TANGO6: variants seen among roughly 807,000 people sequenced by gnomAD.
The protein encoded by TANGO6 is transport and Golgi organization protein 6 homolog.
TANGO6 carries 90 observed loss-of-function variants against 114.2 expected under a neutral mutation model. The ratio of observed to expected loss-of-function variants is 0.79; its 90% CI spans 0.66 to 0.94. The LOEUF (loss-of-function observed/expected upper bound fraction) is 0.94, where lower values mean the gene tolerates loss of function less well. Among genes scored for constraint, TANGO6 ranks in the 40% least tolerant of loss-of-function variants. The pLI is 0.00. For synonymous variants in TANGO6, 477 were observed against 509.8 expected (o/e 0.94, Z 0.87); for missense variants, 1,274 against 1,315.3 (o/e 0.97, Z 0.49).
intron 11 of TANGO6, among the ~76,000 whole-genome samples, chr16:68,914,926 A>G (rs978894867): frequency 6.7e-6 from 1 of 148,184 alleles, no homozygotes; most frequent in Admixed American, 6.8e-5. Flanking sequence ...TGTCTATTTT[A>G]GTAATAGGAT....
intron 11 of TANGO6, 129 bp from the exon 12 acceptor site, chr16:68,918,956 A>G: frequency 9.4e-7 from 1 of 1,066,332 alleles, no homozygotes; most frequent in Non-Finnish European, 1.3e-6. Context: ...GGTAAGTAGC[A>G]GTTGTTCTGG....
intron 14 of TANGO6, among the ~76,000 whole-genome samples, chr16:68,944,820 C>T (rs1158510920): frequency 6.6e-6 from 1 of 152,170 alleles, no homozygotes; most frequent in Admixed American, 6.5e-5. Context: ...GCAAGAATTG[C>T]AATTCAGGGC....
rs138495855 is a variant in TANGO6, at chr16:69,044,456, T to C, written c.3108+4035T>C. ...CAGGCCAGTTCTGATGGGGAGTTCA[T>C]GCTTAGAGGAGAGGTGATGCACACG... On this transcript the variant is annotated intron_variant, in intron 17 of 17. Coordinates refer to ENST00000261778, the MANE Select transcript of TANGO6 (RefSeq NM_024562.2). Among the ~76,000 whole-genome samples, 36 of 152,252 alleles carry C rather than the reference T, an allele frequency of 2.4e-4. No homozygotes were observed. In the East Asian group the frequency reaches 6.4e-3, roughly 27 times the overall value.
At chr16:69,065,882 T>C (rs189575476) in intron 17 of TANGO6, among the ~76,000 whole-genome samples, 34 of 152,330 alleles carry the variant, frequency 2.2e-4, no homozygotes, top group Non-Finnish European at 5.9e-5. Context: ...AGCATTATTC[T>C]TCTTCAGTCC....
At chr16:68,949,684 C>T (rs771782596) in intron 14 of TANGO6, among the ~76,000 whole-genome samples, 4 of 151,674 alleles carry the variant, frequency 2.6e-5, no homozygotes, top group African/African-American at 4.8e-5. Flanking sequence ...GAAATGTTGC[C>T]GGTAGAAATG....
At chr16:68,898,725 A>G (rs955782648) in intron 7 of TANGO6, among the ~76,000 whole-genome samples, 2 of 152,162 alleles carry the variant, frequency 1.3e-5, no homozygotes, top group African/African-American at 2.4e-5. Flanking sequence ...AGAATCTAGC[A>G]TAGTACTTGG....
chr16:68,900,029 G>A (rs1317612232), intron 7 of TANGO6, among the ~76,000 whole-genome samples: 2 of 152,194 alleles, frequency 1.3e-5, no homozygotes, highest in Non-Finnish European at 1.5e-5. Context: ...TCCAAATCCA[G>A]TTTTAAGTTT....
At chr16:68,875,668 C>G (rs1247973621) in intron 5 of TANGO6, among the ~76,000 whole-genome samples, 1 of 151,898 alleles carries the variant, frequency 6.6e-6, no homozygotes, top group Non-Finnish European at 1.5e-5. Context: ...ACTTGGGAGG[C>G]TGAGGCAGGA....
At chr16:69,059,544 G>A (rs376567457) in intron 17 of TANGO6, among the ~76,000 whole-genome samples, 11 of 151,184 alleles carry the variant, frequency 7.3e-5, no homozygotes, top group East Asian at 3.9e-4. Flanking sequence ...CTTTTGAGAC[G>A]GAGTCTTGCT....
At chr16:69,063,800 T>TTCG (rs1960169444) in intron 17 of TANGO6, among the ~76,000 whole-genome samples, 1 of 124,628 alleles carries the variant, frequency 8.0e-6, no homozygotes, top group Admixed American at 8.5e-5. Context: ...CTTCTTCTTC[T>TTCG]TCTTCTTCTT....
rs956929425 is a variant in TANGO6 at position 69,081,369 on chromosome 16, CT to C, written c.3109-2105del. Among the ~76,000 whole-genome samples, 383 of 147,548 alleles carry C rather than the reference CT, an allele frequency of 2.6e-3. 2 individuals carry two copies. The highest frequency in any genetic ancestry group is 6.9e-3 in the African/African-American group (278 of 40,384). ...ACGAGTTGGTCCCTAAATCTCCTTA[CT>C]TTTTTTTTTTAATTTTATTTTTTGA... On this transcript the variant is annotated intron_variant, in intron 17 of 17. Transcript: ENST00000261778.
chr16:69,031,487 G>A (rs1221489506), intron 16 of TANGO6, among the ~76,000 whole-genome samples: 1 of 151,894 alleles, frequency 6.6e-6, no homozygotes, highest in Non-Finnish European at 1.5e-5. Flanking sequence ...GATCACTTGA[G>A]GAAAGGAGTT....
chr16:68,891,990 G>A (rs1207847085), intron 7 of TANGO6, among the ~76,000 whole-genome samples: 1 of 152,056 alleles, frequency 6.6e-6, no homozygotes, highest in Non-Finnish European at 1.5e-5. Flanking sequence ...GAAAGGAAAT[G>A]CATAGGGCAT....
At chr16:68,988,720 G>C (rs1215177138) in intron 15 of TANGO6, among the ~76,000 whole-genome samples, 1 of 129,188 alleles carries the variant, frequency 7.7e-6, no homozygotes, top group East Asian at 2.1e-4. Flanking sequence ...TTTTGAGACA[G>C]GGTCTCATTT....
At position 68,872,184 on chromosome 16, in the gene TANGO6, G is replaced by T. The variant is rs943496431; in HGVS notation, c.995-2970G>T. ...TTCAGTGAGCCGAGATCTCGCCACT[G>T]CACTTCAGCCTGGGCGATAGGGTGA... is the stretch of plus-strand genomic sequence containing the variant. On this transcript the variant is annotated intron_variant, in intron 4 of 17. Transcript: ENST00000261778. Among the ~76,000 whole-genome samples, 5 of 151,316 alleles carry T rather than the reference G, an allele frequency of 3.3e-5. No homozygotes were observed. The South Asian group carries it at 8.4e-4, about 25-fold the overall frequency.
intron 14 of TANGO6, among the ~76,000 whole-genome samples, chr16:68,954,533 A>G (rs1339132875): frequency 6.6e-6 from 1 of 152,190 alleles, no homozygotes; most frequent in Admixed American, 6.5e-5. Flanking sequence ...AAGTTTTGAG[A>G]ACTCACTGTC....
intron 17 of TANGO6, among the ~76,000 whole-genome samples, chr16:69,048,258 A>ATTTTTTTTTTTTTTTTTTTTTTTTTTTT: frequency 9.0e-6 from 1 of 111,664 alleles, no homozygotes; most frequent in Non-Finnish European, 1.7e-5. Context: ...AATTTTTTGT[A>ATTTTTTTTTTTTTTTTTTTTTTTTTTTT]TTTTTTTTTT....
intron 15 of TANGO6, among the ~76,000 whole-genome samples, chr16:68,988,955 T>G (rs926205833): frequency 1.8e-4 from 27 of 152,104 alleles, no homozygotes; most frequent in Admixed American, 1.6e-3. Flanking sequence ...CACCTCGACC[T>G]CGCAGCCTCA....
intron 5 of TANGO6, among the ~76,000 whole-genome samples, chr16:68,875,690 A>G (rs939829136): frequency 6.6e-6 from 1 of 151,042 alleles, no homozygotes; most frequent in African/African-American, 2.4e-5. Context: ...AACGGATTGA[A>G]CCCGGGAGGC....
Sources: allele counts gnomAD v4.1 joint callset (sites outside exome capture counted in the v4.1 genomes callset), GRCh38; gene constraint gnomAD v4.1.1; transcripts MANE v1.5; gene names NCBI Gene and HGNC (gene_info 2026-07-23, HGNC 2026-07-21).